CELF1: variants seen among roughly 807,000 people sequenced by gnomAD.
CELF1 encodes 50 kDa nuclear polyadenylated RNA-binding protein.
In CELF1, 10 loss-of-function variants were observed where a neutral mutation model predicts 61.8. The ratio of observed to expected loss-of-function variants is 0.16; its 90% CI spans 0.10 to 0.27. The LOEUF (loss-of-function observed/expected upper bound fraction) is 0.27. Ranked by LOEUF, CELF1 falls within the 10% of genes least tolerant of loss-of-function variation. The pLI is 1.00. For missense variants in CELF1, 380 were observed against 639.1 expected (o/e 0.59, Z 4.37); for synonymous variants, 236 against 225.1 (o/e 1.05, Z -0.43).
At chr11:47,535,679 CAAAAAA>C (rs111271894) in intron 1 of CELF1, among the ~76,000 whole-genome samples, 1 of 95,034 alleles carries the variant, frequency 1.1e-5, no homozygotes, top group Non-Finnish European at 2.3e-5. Context: ...AACCCCATCT[CAAAAAA>C]AAAAAAAAAA....
intron 1 of CELF1, among the ~76,000 whole-genome samples, chr11:47,532,306 G>A (rs945444241): frequency 2.6e-5 from 4 of 152,184 alleles, no homozygotes; most frequent in East Asian, 1.9e-4. Flanking sequence ...GATTACAGGC[G>A]TGAGCCACCA....
intron 3 of CELF1, among the ~76,000 whole-genome samples, chr11:47,495,318 T>C (rs1197239540): frequency 6.6e-6 from 1 of 152,210 alleles, no homozygotes; most frequent in Non-Finnish European, 1.5e-5. Context: ...ACCATTTATA[T>C]GAAATGCCCA....
intron 6 of CELF1, 133 bp downstream of exon 6, chr11:47,486,617 C>A: frequency 2.8e-6 from 2 of 711,904 alleles, no homozygotes; most frequent in South Asian, 1.5e-5. Context: ...ACCATGTTGG[C>A]CAGACTGGCT....
chr11:47,549,396 A>G (rs2097074123), intron 1 of CELF1, among the ~76,000 whole-genome samples: 1 of 152,192 alleles, frequency 6.6e-6, no homozygotes, highest in African/African-American at 2.4e-5. Context: ...CACTATTCAC[A>G]ATAGCCAAGA....
intron 1 of CELF1, among the ~76,000 whole-genome samples, chr11:47,531,556 G>A (rs1048131285): frequency 3.4e-5 from 4 of 119,210 alleles, no homozygotes; most frequent in African/African-American, 3.3e-5. Flanking sequence ...GCAACAGAGC[G>A]AGACTCCATC....
chr11:47,515,886 T>G (rs1257970600), intron 1 of CELF1, among the ~76,000 whole-genome samples: 1 of 152,170 alleles, frequency 6.6e-6, no homozygotes, highest in Non-Finnish European at 1.5e-5. Context: ...ATTGGGAAAC[T>G]CAAAATATTA....
chr11:47,556,018 A>C (rs1323966823), upstream of CELF1, among the ~76,000 whole-genome samples: 1 of 151,626 alleles, frequency 6.6e-6, no homozygotes, highest in Non-Finnish European at 1.5e-5. Flanking sequence ...AAAAAAAAAA[A>C]AGCCAGTGTT....
chr11:47,545,602 T>C (rs1400621272), intron 1 of CELF1, among the ~76,000 whole-genome samples: 1 of 152,184 alleles, frequency 6.6e-6, no homozygotes, highest in African/African-American at 2.4e-5. Flanking sequence ...TCTGAAGTCT[T>C]ACAGCATAAA....
chr11:47,515,692 A>G (rs996859866), intron 1 of CELF1, among the ~76,000 whole-genome samples: 1 of 152,112 alleles, frequency 6.6e-6, no homozygotes, highest in Non-Finnish European at 1.5e-5. Context: ...AAGGACTATA[A>G]TTATTTTTCT....
At chr11:47,559,652 A>G (rs2097219596) in intron 2 of CELF1, among the ~76,000 whole-genome samples, 1 of 152,180 alleles carries the variant, frequency 6.6e-6, no homozygotes, top group Non-Finnish European at 1.5e-5. Context: ...TGAAAAGAAT[A>G]AAGTAAATCT....
upstream of CELF1, among the ~76,000 whole-genome samples, chr11:47,556,527 T>C (rs193098819): frequency 1.1e-4 from 17 of 152,262 alleles, no homozygotes; most frequent in Admixed American, 7.2e-4. Flanking sequence ...CAAAATGAGA[T>C]TGATAAATTA....
At chr11:47,499,176 A>G (rs2153540866) in intron 3 of CELF1, among the ~76,000 whole-genome samples, 1 of 152,340 alleles carries the variant, frequency 6.6e-6, no homozygotes, top group East Asian at 1.9e-4. Context: ...ATAGGAAAAC[A>G]CTACAGCTTA....
At chr11:47,489,536 AATGC>A (rs112080037) in intron 3 of CELF1, among the ~76,000 whole-genome samples, 2,425 of 152,310 alleles carry the variant, frequency 0.016, 51 homozygotes, top group African/African-American at 0.048. Context: ...TAAGGACTAG[AATGC>A]TGGCCTTTGA....
intron 1 of CELF1, among the ~76,000 whole-genome samples, chr11:47,518,901 C>T (rs562846926): frequency 4.6e-5 from 7 of 152,220 alleles, no homozygotes; most frequent in South Asian, 2.1e-4. Flanking sequence ...ATCAAACACA[C>T]GGGCACTCAT....
At chr11:47,541,003 C>A (rs920165657) in intron 1 of CELF1, among the ~76,000 whole-genome samples, 5 of 152,126 alleles carry the variant, frequency 3.3e-5, no homozygotes, top group Admixed American at 3.3e-4. Context: ...AGCAGCAACA[C>A]CCAGACAGAA....
chr11:47,522,596 G>A (rs1224026271), intron 1 of CELF1, among the ~76,000 whole-genome samples: 1 of 151,832 alleles, frequency 6.6e-6, no homozygotes, highest in Non-Finnish European at 1.5e-5. Flanking sequence ...GGGAGGCCAA[G>A]GTGGGTGGAT....
chr11:47,541,356 AATG>A (rs1281483827), intron 1 of CELF1, among the ~76,000 whole-genome samples: 1 of 152,148 alleles, frequency 6.6e-6, no homozygotes, highest in Non-Finnish European at 1.5e-5. Flanking sequence ...TTTCTAACTT[AATG>A]ATTATTTTGC....
rs548965984 is a variant in CELF1, at chr11:47,548,212, T to A, written c.-154+4780A>T. On this transcript the variant is annotated intron_variant, in intron 1 of 14. Coordinates refer to ENST00000687097, the MANE Select transcript of CELF1 (RefSeq NM_001376376.1). Reference sequence around the variant, plus strand: ...TACTCGGGAGGCTGAGGTAGGAGAATCGCTTGAACCAGGGCGACAGAGATT... The same window carrying A: ...TACTCGGGAGGCTGAGGTAGGAGAAACGCTTGAACCAGGGCGACAGAGATT... Among the ~76,000 whole-genome samples, 9 of 151,982 alleles carry A rather than the reference T, an allele frequency of 5.9e-5. No homozygotes were observed. The East Asian group carries it at 1.4e-3, about 23-fold the overall frequency.
chr11:47,535,859 T>C (rs1565898553), intron 1 of CELF1, among the ~76,000 whole-genome samples: 3 of 150,718 alleles, frequency 2.0e-5, no homozygotes, highest in Non-Finnish European at 4.4e-5. Context: ...ACCTCCTGGG[T>C]TCAAGCGAGC....
Sources: gnomAD v4.1 joint callset for allele counts (sites outside exome capture counted in the v4.1 genomes callset) on GRCh38, gnomAD v4.1.1 for gene constraint, MANE v1.5 for transcripts, NCBI Gene and HGNC (gene_info 2026-07-23, HGNC 2026-07-21) for gene names.